The following SLC4A5 variants were observed in gnomAD, a reference collection of about 807,000 sequenced individuals.
The protein encoded by SLC4A5 is solute carrier family 4 member 5.
In SLC4A5, 96 loss-of-function variants were observed where a neutral mutation model predicts 120.4. The ratio of observed to expected loss-of-function variants is 0.80; its 90% confidence interval spans 0.68 to 0.94. SLC4A5 has a LOEUF of 0.94. SLC4A5 is among the 40% of genes least tolerant of loss of function. The pLI is 0.00. For synonymous variants in SLC4A5, 550 were observed against 571.1 expected, an observed-to-expected ratio of 0.96 and a Z score of 0.53; for missense variants, 1,259 against 1,459.5, an observed-to-expected ratio of 0.86 and a Z score of 2.24.
chr2:74,253,079 G>A (rs1332023541), exon 15 of SLC4A5: 3 of 1,614,050 alleles, frequency 1.9e-6, no homozygotes, highest in Non-Finnish European at 2.5e-6. Context: ...ATCAATTCCT[G>A]CGATCAGATC....
At chr2:74,262,078 A>ATGTCACAGC in intron 11 of SLC4A5, 59 bp downstream of exon 11, 4 of 1,505,268 alleles carry the variant, frequency 2.7e-6, no homozygotes, top group Non-Finnish European at 3.7e-6. Context: ...CAATGTGGCC[A>ATGTCACAGC]TGTCACAGCT....
chr2:74,227,296 A>G (rs947207006), intron 26 of SLC4A5, among the ~76,000 whole-genome samples, 166 bp from the exon 27 acceptor site: 1 of 152,106 alleles, frequency 6.6e-6, no homozygotes, highest in Non-Finnish European at 1.5e-5. Context: ...GCGGATGCAT[A>G]ATGGGGTCTT....
intron 5 of SLC4A5, among the ~76,000 whole-genome samples, chr2:74,317,828 A>C (rs1673004199): frequency 6.6e-6 from 1 of 152,236 alleles, no homozygotes; most frequent in Non-Finnish European, 1.5e-5. Context: ...CAAGGGCTGC[A>C]TCCAATTGCC....
At chr2:74,319,816 C>A (rs774536666) in intron 5 of SLC4A5, among the ~76,000 whole-genome samples, 2 of 152,184 alleles carry the variant, frequency 1.3e-5, no homozygotes, top group Non-Finnish European at 2.9e-5. Context: ...ACCTGACCAT[C>A]TAAACCTTAC....
At chr2:74,256,868 C>T (rs1057214931) in intron 12 of SLC4A5, among the ~76,000 whole-genome samples, 8 of 152,132 alleles carry the variant, frequency 5.3e-5, no homozygotes, top group Non-Finnish European at 1.0e-4. Context: ...GTTGGGGTAG[C>T]GGCAGGACTG....
chr2:74,254,817 AT>A (rs376191179), intron 13 of SLC4A5, 111 bp from the exon 14 acceptor site: 124,273 of 583,848 alleles, frequency 0.21, 3 homozygotes, highest in South Asian at 0.28. Context: ...AACAGTATGC[AT>A]TTTTTTTTTT....
At chr2:74,303,134 GTGT>G (rs1171658565) in intron 7 of SLC4A5, among the ~76,000 whole-genome samples, 2 of 151,780 alleles carry the variant, frequency 1.3e-5, no homozygotes, top group African/African-American at 2.4e-5. Flanking sequence ...GTGTGTGTGT[GTGT>G]TGTATTTTAA....
At chr2:74,274,424 T>G (rs1671576204) in intron 8 of SLC4A5, among the ~76,000 whole-genome samples, 1 of 152,254 alleles carries the variant, frequency 6.6e-6, no homozygotes, top group Non-Finnish European at 1.5e-5. Context: ...ACAAGTTGTT[T>G]CTACAACGGA....
chr2:74,307,127 C>A (rs768161405), intron 6 of SLC4A5: 2 of 551,716 alleles, frequency 3.6e-6, no homozygotes, highest in Non-Finnish European at 3.4e-6. Context: ...GTCTCAGTTT[C>A]ATGAGCATCA....
chr2:74,227,268 G>C (rs934604816), intron 26 of SLC4A5, 138 bp from the exon 27 acceptor site: 7 of 1,056,244 alleles, frequency 6.6e-6, no homozygotes, highest in Non-Finnish European at 5.3e-6. Flanking sequence ...GCACGGGAGG[G>C]GGGCTGGAGG....
chr2:74,251,287 GC>G (rs140060508), intron 16 of SLC4A5, among the ~76,000 whole-genome samples: 108 of 152,046 alleles, frequency 7.1e-4, no homozygotes, highest in African/African-American at 2.3e-3. Context: ...GAGGGCCAAA[GC>G]TGCTTACAGT....
At chr2:74,292,574 G>A (rs915957725) in intron 7 of SLC4A5, among the ~76,000 whole-genome samples, 9 of 152,184 alleles carry the variant, frequency 5.9e-5, no homozygotes, top group Non-Finnish European at 4.4e-5. Context: ...CCCAACTATA[G>A]GAATGGATTC....
intron 6 of SLC4A5, among the ~76,000 whole-genome samples, chr2:74,313,247 A>C (rs1198150735): frequency 6.6e-6 from 1 of 151,988 alleles, no homozygotes; most frequent in African/African-American, 2.4e-5. Flanking sequence ...TGAGTGTATA[A>C]ATTATATCCC....
chr2:74,339,911 T>A (rs974615956), intron 2 of SLC4A5, among the ~76,000 whole-genome samples: 1 of 152,220 alleles, frequency 6.6e-6, no homozygotes, highest in Non-Finnish European at 1.5e-5. Flanking sequence ...CTTAAGGACA[T>A]CACGCTAAGT....
chr2:74,309,742 G>C (rs1185289822), intron 6 of SLC4A5, among the ~76,000 whole-genome samples: 5 of 150,170 alleles, frequency 3.3e-5, no homozygotes, highest in Admixed American at 6.6e-5. Context: ...TGCAAGCTCT[G>C]CCTCCCGGGT....
chr2:74,262,645 G>C (rs1217563774), intron 10 of SLC4A5, among the ~76,000 whole-genome samples: 1 of 151,706 alleles, frequency 6.6e-6, no homozygotes, highest in African/African-American at 2.4e-5. Flanking sequence ...TTTGCAGTGA[G>C]CTGAGATCGC....
rs369476507 is a variant in SLC4A5 at position 74,255,024 on chromosome 2, C to T, written c.1026-318G>A. Among the ~76,000 whole-genome samples the T allele has an allele frequency of 6.6e-6, 1 of 152,010 alleles. No individual in the cohort carries two copies. The highest frequency in any genetic ancestry group is 2.4e-5 in the African/African-American group (1 of 41,402). On this transcript the variant is annotated intron_variant, in intron 13 of 30. Transcript: ENST00000394019. This position sits in a 1 kb window ranked among gnomAD's most constrained non-coding sequence, Gnocchi z 4.0. The stretch of plus-strand genomic sequence containing the variant: ...TCAGTAGATACAGGGTTTCACCATG[C>T]TGCCCAGGCTGGTCTCCAACTCCTG...
rs115555884 is a variant in SLC4A5, at chr2:74,288,025, C to T, written c.272-2123G>A. Among the ~76,000 whole-genome samples the T allele has an allele frequency of 9.1e-4, 139 of 152,256 alleles. 1 individual carries two copies. The highest frequency in any genetic ancestry group is 6.6e-3 in the South Asian group (32 of 4,822). On this transcript the variant is annotated intron_variant, in intron 7 of 30. Coordinates refer to ENST00000394019, the Ensembl canonical transcript of SLC4A5. Reference sequence around the variant, plus strand: ...GCTGCCACTGGCTCAGCCCCCACCACGCTAAGGACATTGACAAAGGCAGAG... The same window carrying T: ...GCTGCCACTGGCTCAGCCCCCACCATGCTAAGGACATTGACAAAGGCAGAG...
chr2:74,253,123 G>A (rs1478596286), exon 15 of SLC4A5: 3 of 1,614,014 alleles, frequency 1.9e-6, no homozygotes, highest in Admixed American at 3.3e-5. Flanking sequence ...CCACGTCACT[G>A]AAGAGCTGGC....
Sources: gnomAD v4.1 joint callset for allele counts (sites outside exome capture counted in the v4.1 genomes callset) on GRCh38, gnomAD v4.1.1 for gene constraint, Gnocchi (gnomAD v3.1) non-coding constraint, MANE v1.5 for transcripts, NCBI Gene and HGNC (gene_info 2026-07-23, HGNC 2026-07-21) for gene names.